Variants in SUMF1 observed in about 807,000 individuals in gnomAD.
The protein encoded by SUMF1 is sulfatase modifying factor 1.
A neutral mutation model predicts 47.6 loss-of-function variants in SUMF1; 48 were observed. That is an observed-to-expected ratio of 1.01 (90% CI 0.80 to 1.28). The LOEUF is 1.28. SUMF1 is among the 50% of genes most tolerant of loss of function. The pLI is 0.00. For synonymous variants in SUMF1, 230 were observed against 192.1 expected (o/e 1.20, Z -1.63); for missense variants, 571 against 485.4 (o/e 1.18, Z -1.66).
At chr3:4,287,156 A>G (rs188179013) in intron 8 of SUMF1, among the ~76,000 whole-genome samples, 4 of 152,130 alleles carry the variant, frequency 2.6e-5, no homozygotes, top group African/African-American at 4.8e-5. Context: ...TTCAGTTTTA[A>G]TTCCTAATAT....
chr3:4,250,291 AGAGGGAAG>A lies in SUMF1; in HGVS notation c.1014+126031_1014+126038del, dbSNP rs1223705991. Among the ~76,000 whole-genome samples the A allele has an allele frequency of 2.3e-4, 32 of 140,564 alleles. No individual in the cohort carries two copies. The South Asian group carries it at 3.6e-3, about 16-fold the overall frequency. The allele number at this position is 140,564 out of a possible 152,430, so 92.2% of individuals were successfully genotyped here. On this transcript the variant is annotated intron_variant and NMD_transcript_variant, in intron 8 of 12. Coordinates refer to the SUMF1 transcript ENST00000448413. The stretch of plus-strand genomic sequence containing the variant: ...GAGGGGGAAAGGGGGAAGGAAGGGA[AGAGGGAAG>A]GAGGGAAGGAGGGAGAGAAGAAGGG...
At chr3:4,208,789 C>T (rs773650643) in intron 8 of SUMF1, among the ~76,000 whole-genome samples, 36 of 152,094 alleles carry the variant, frequency 2.4e-4, no homozygotes, top group Non-Finnish European at 3.8e-4. Context: ...AGAAAAAAGA[C>T]TAACATAAAA....
intron 3 of SUMF1, among the ~76,000 whole-genome samples, chr3:4,444,260 T>C (rs943104845): frequency 2.0e-5 from 3 of 152,194 alleles, no homozygotes; most frequent in African/African-American, 4.8e-5. Flanking sequence ...CAAACTGTTA[T>C]CAACGGGCAA....
chr3:4,218,512 A>G (rs1379657666), intron 8 of SUMF1, among the ~76,000 whole-genome samples: 3 of 152,136 alleles, frequency 2.0e-5, no homozygotes, highest in Non-Finnish European at 2.9e-5. Flanking sequence ...AAAACAACAC[A>G]GTACATTTAC....
At chr3:4,336,592 A>G (rs1217002047) in intron 8 of SUMF1, among the ~76,000 whole-genome samples, 2 of 152,338 alleles carry the variant, frequency 1.3e-5, no homozygotes, top group South Asian at 2.1e-4. Context: ...TTCTTTTACA[A>G]TAACAACACA....
chr3:4,082,670 C>A (rs79799995), intron 8 of SUMF1, among the ~76,000 whole-genome samples: 2,368 of 152,048 alleles, frequency 0.016, 80 homozygotes, highest in African/African-American at 0.055. Flanking sequence ...ATTTAATAAA[C>A]AACTCAATTA....
At chr3:4,287,800 G>C (rs1043840363) in intron 8 of SUMF1, among the ~76,000 whole-genome samples, 1 of 152,164 alleles carries the variant, frequency 6.6e-6, no homozygotes, top group Non-Finnish European at 1.5e-5. Flanking sequence ...CATCTTGTTA[G>C]TTCTGCATTA....
Position 4,178,866 on chromosome 3 carries a change from C to T in SUMF1, c.1015-110121G>A, listed in dbSNP as rs189771757. ...AGTCTCAGGATACAAAATCAATGTGCAAAAATCACAAGCATTCCAGTAAAC... is the reference window on the plus strand; with the variant it reads ...AGTCTCAGGATACAAAATCAATGTGTAAAAATCACAAGCATTCCAGTAAAC... On this transcript the variant is annotated intron_variant and NMD_transcript_variant, in intron 8 of 12. Transcript: ENST00000448413. Among the ~76,000 whole-genome samples the T allele has an allele frequency of 4.0e-3, 610 of 152,202 alleles. 6 individuals are homozygous for T. Among genetic ancestry groups the T allele is most frequent in the African/African-American group, 0.014 (578 of 41,526 alleles).
intron 1 of SUMF1, among the ~76,000 whole-genome samples, chr3:4,463,858 C>T (rs1296983245): frequency 6.6e-6 from 1 of 152,226 alleles, no homozygotes; most frequent in Non-Finnish European, 1.5e-5. Flanking sequence ...ACGCAGAAAA[C>T]TATTAGGATA....
chr3:4,417,481 A>G (rs1460801344), intron 5 of SUMF1, among the ~76,000 whole-genome samples: 1 of 152,226 alleles, frequency 6.6e-6, no homozygotes, highest in Non-Finnish European at 1.5e-5. Flanking sequence ...GCCTGAAATA[A>G]ATCACAAAAC....
chr3:4,295,034 C>T (rs1697821905), intron 8 of SUMF1, among the ~76,000 whole-genome samples: 1 of 152,142 alleles, frequency 6.6e-6, no homozygotes, highest in Non-Finnish European at 1.5e-5. Flanking sequence ...TTACGACAAA[C>T]TTTTCCTGGT....
chr3:4,462,870 T>C (rs2079849676), intron 1 of SUMF1, among the ~76,000 whole-genome samples: 1 of 152,206 alleles, frequency 6.6e-6, no homozygotes, highest in South Asian at 2.1e-4. Context: ...ATAGATGAAA[T>C]GACATTCAAA....
chr3:4,398,628 C>A (rs1045166514), intron 7 of SUMF1, among the ~76,000 whole-genome samples: 1 of 151,940 alleles, frequency 6.6e-6, no homozygotes, highest in African/African-American at 2.4e-5. Flanking sequence ...CTTGCCAAAT[C>A]AATAATTTTT....
intron 8 of SUMF1, among the ~76,000 whole-genome samples, chr3:4,299,643 T>C (rs1374898573): frequency 6.6e-6 from 1 of 152,106 alleles, no homozygotes; most frequent in East Asian, 1.9e-4. Context: ...ACCCCAGCTC[T>C]ACTAAAAATA....
At chr3:4,285,505 T>A (rs1697615855) in intron 8 of SUMF1, among the ~76,000 whole-genome samples, 1 of 152,216 alleles carries the variant, frequency 6.6e-6, no homozygotes, top group South Asian at 2.1e-4. Flanking sequence ...TGGTTATTCC[T>A]AAACTTTGAC....
At chr3:4,194,842 T>C (rs1355588763) in intron 8 of SUMF1, among the ~76,000 whole-genome samples, 1 of 152,174 alleles carries the variant, frequency 6.6e-6, no homozygotes, top group African/African-American at 2.4e-5. Flanking sequence ...AACAATGTTA[T>C]TTACTGATGA....
intron 7 of SUMF1, among the ~76,000 whole-genome samples, chr3:4,389,806 C>T (rs1700796773): frequency 6.6e-6 from 1 of 152,094 alleles, no homozygotes; most frequent in East Asian, 1.9e-4. Context: ...CTAAAATTTG[C>T]ATTTGGTTCT....
At chr3:4,184,470 GA>G (rs1695159946) in intron 8 of SUMF1, among the ~76,000 whole-genome samples, 1 of 151,220 alleles carries the variant, frequency 6.6e-6, no homozygotes, top group African/African-American at 2.4e-5. Flanking sequence ...AGAAAAAAAA[GA>G]AAAAAAGAAA....
chr3:4,399,659 A>T (rs780852010), intron 7 of SUMF1, among the ~76,000 whole-genome samples: 2 of 152,220 alleles, frequency 1.3e-5, no homozygotes, highest in Non-Finnish European at 2.9e-5. Flanking sequence ...CAGGTCATGA[A>T]AAAGATGGAA....
Sources: gnomAD v4.1 joint callset for allele counts (sites outside exome capture counted in the v4.1 genomes callset) on GRCh38, gnomAD v4.1.1 for gene constraint, MANE v1.5 for transcripts, NCBI Gene and HGNC (gene_info 2026-07-23, HGNC 2026-07-21) for gene names.